MRPL41: variants seen among roughly 807,000 people sequenced by gnomAD.
MRPL41 encodes mitochondrial ribosomal protein L41.
MRPL41 carries 2 observed loss-of-function variants against 3.3 expected under a neutral mutation model. That is an observed-to-expected ratio of 0.60 (90% CI 0.25 to 1.90). The LOEUF (loss-of-function observed/expected upper bound fraction) is 1.90. Among genes scored for constraint, MRPL41 ranks in the 40% most tolerant of loss-of-function variants. The probability of loss-of-function intolerance (pLI) is 0.16; values close to 1 mark genes in which losing one functional copy is unlikely to be tolerated. For missense variants in MRPL41, 161 were observed against 192.2 expected, an observed-to-expected ratio of 0.84 and a Z score of 0.96; for synonymous variants, 93 against 85.7, an observed-to-expected ratio of 1.08 and a Z score of -0.47.
Position 137,552,323 on chromosome 9 carries a change from G to T in MRPL41, c.242G>T (p.Ser81Ile). 1 of 1,610,276 alleles carries T rather than the reference G, an allele frequency of 6.2e-7. No homozygotes were observed. The highest frequency in any genetic ancestry group is 8.5e-7 in the Non-Finnish European group (1 of 1,178,712). Residue 81 changes from serine to isoleucine, a missense_variant, in exon 2 of 2, where the codon AGC (serine) becomes ATC (isoleucine). By Grantham distance (142) the Ser-to-Ile change is moderately radical. Transcript: ENST00000371443. ...KPYVSYLAPE[S>I]EETPLTAAQL... ...TACGTGAGCTACCTCGCCCCTGAGA[G>T]CGAGGAGACGCCCCTGACGGCCGCG...
In MRPL41 at chr9:137,552,406, T is replaced by G; in HGVS notation, c.325T>G (p.Phe109Val). 6.2e-7 allele frequency: 1 copy of G among 1,608,694 alleles called. No individual in the cohort carries two copies. ...CGAAAAGGACTTCAAGGACGGTACC[T>G]TCGACCCTGACAACCTGGAAAAGTA... ...AIEKDFKDGT[F>V]DPDNLEKYGF... is the part of the protein sequence containing the mutation. Residue 109 changes from phenylalanine (F) to valine (V), a missense_variant, in exon 2 of 2, where the codon TTC becomes GTC. Physicochemically the swap from Phe to Val is conservative, Grantham distance 50. Transcript: ENST00000371443.
At position 137,552,426 on chromosome 9, in the gene MRPL41, A is replaced by G. The variant is rs777898368; in HGVS notation, c.345A>G (p.Glu115=). 4.7e-5 allele frequency: 76 copies of G among 1,606,418 alleles called. 2 individuals are homozygous for G. The South Asian group carries it at 7.9e-4, about 17-fold the overall frequency. The change falls in exon 2 of 2, where the codon GAA becomes GAG. Residue 115 remains glutamate (E), a synonymous_variant. Transcript: ENST00000371443. ...KDGTFDPDNL[E]KYGFEPTQEG... ...GTACCTTCGACCCTGACAACCTGGA[A>G]AAGTACGGCTTCGAGCCCACACAGG... is the stretch of plus-strand genomic sequence containing the variant.
At position 137,552,305 on chromosome 9, in the gene MRPL41, G is replaced by A; in HGVS notation, c.224G>A (p.Ser75Asn). The A allele has an allele frequency of 6.2e-7, 1 of 1,607,778 alleles. No individual in the cohort carries two copies. Among genetic ancestry groups the A allele is most frequent in the Non-Finnish European group, 8.5e-7 (1 of 1,177,440 alleles). The change falls in exon 2 of 2, where the codon AGC becomes AAC. Residue 75 changes from serine (S) to asparagine (N), a missense_variant. Physicochemically the swap from Ser to Asn is conservative, Grantham distance 46. Transcript: ENST00000371443. Reference sequence around the variant, plus strand: ...GGCTTCAAGCTCAAGCCCTACGTGAGCTACCTCGCCCCTGAGAGCGAGGAG... The same window carrying A: ...GGCTTCAAGCTCAAGCCCTACGTGAACTACCTCGCCCCTGAGAGCGAGGAG... ...LTGFKLKPYV[S>N]YLAPESEETP...
In MRPL41 at chr9:137,552,499, G is replaced by A. The variant is rs749957795; in HGVS notation, c.*4G>A. On this transcript the variant is annotated 3_prime_UTR_variant, in exon 2 of 2. Coordinates refer to ENST00000371443, the MANE Select transcript of MRPL41 (RefSeq NM_032477.3). ...CCCCAGGAACTTCCTGCGCTAGCTG[G>A]GCGGGGGAGGGGCGGCCTGCCCTCA... is the stretch of plus-strand genomic sequence containing the variant. The A allele has an allele frequency of 1.9e-6, 3 of 1,540,116 alleles. No individual in the cohort carries two copies. The Admixed American group carries it at 6.1e-5, about 31-fold the overall frequency.
At position 137,552,477 on chromosome 9, in the gene MRPL41, C is replaced by G. The variant is rs1171109088; in HGVS notation, c.396C>G (p.Pro132=). ...TQEGKLFQLY[P]RNFLR is the part of the protein sequence containing the mutation. ...AGGGAAAGCTCTTCCAGCTCTACCC[C>G]AGGAACTTCCTGCGCTAGCTGGGCG... The change falls in exon 2 of 2, where the codon CCC becomes CCG. Residue 132 remains proline (P), a synonymous_variant. Coordinates refer to ENST00000371443, the MANE Select transcript of MRPL41 (RefSeq NM_032477.3). The G allele has an allele frequency of 2.6e-6, 4 of 1,562,974 alleles. No individual in the cohort carries two copies. Among genetic ancestry groups the G allele is most frequent in the Non-Finnish European group, 2.6e-6 (3 of 1,152,350 alleles).
At position 137,552,036 on chromosome 9, in the gene MRPL41, T is replaced by A. The variant is rs962198856; in HGVS notation, c.-8-38T>A. 2.2e-5 allele frequency: 27 copies of A among 1,244,146 alleles called. No homozygotes were observed. In the Admixed American group the frequency reaches 7.3e-4, roughly 34 times the overall value. 77.1% of individuals were successfully genotyped at this position (1,244,146 alleles called of 1,614,324 possible). A position where few individuals can be genotyped will look rare whatever the true frequency, so the allele number is the denominator to read the frequency against. On this transcript the variant is annotated intron_variant, in intron 1 of 1. Transcript: ENST00000371443. Reference sequence around the variant, plus strand: ...GCGGCCAGGGGCGGGGCTGGCCGGGTTCCCGGGGCCGCGACTACCCGCTCT... The same window carrying A: ...GCGGCCAGGGGCGGGGCTGGCCGGGATCCCGGGGCCGCGACTACCCGCTCT...
At position 137,551,990 on chromosome 9, in the gene MRPL41, G is replaced by A. The variant is rs1463209458; in HGVS notation, c.-9+12G>A. The A allele has an allele frequency of 2.5e-5, 27 of 1,086,778 alleles. No individual in the cohort carries two copies. The highest frequency in any genetic ancestry group is 2.8e-5 in the Non-Finnish European group (24 of 855,514). 67.3% of individuals were successfully genotyped at this position (1,086,778 alleles called of 1,614,324 possible). A position where few individuals can be genotyped will look rare whatever the true frequency, so the allele number is the denominator to read the frequency against. ...GGTCTCCGGTCCAGGTGAGTCTGTC[G>A]GATTGGGGCGGGCGCCGCGCGCGGC... On this transcript the variant is annotated intron_variant, in intron 1 of 1. Transcript: ENST00000371443.
Position 137,552,434 on chromosome 9 carries a change from G to A in MRPL41, c.353G>A (p.Gly118Asp), listed in dbSNP as rs1234562243. The A allele has an allele frequency of 2.5e-6, 4 of 1,602,996 alleles. No homozygotes were observed. The highest frequency in any genetic ancestry group is 4.6e-5 in the East Asian group (2 of 43,834). Reference protein sequence around the residue: ...TFDPDNLEKYGFEPTQEGKLF... With the variant: ...TFDPDNLEKYDFEPTQEGKLF... The stretch of plus-strand genomic sequence containing the variant: ...GACCCTGACAACCTGGAAAAGTACG[G>A]CTTCGAGCCCACACAGGAGGGAAAG... The change falls in exon 2 of 2, where the codon GGC (glycine) becomes GAC (aspartate). Residue 118 changes from glycine (G) to aspartate (D), a missense_variant. By Grantham distance (94) the Gly-to-Asp change is moderately conservative. Transcript: ENST00000371443.
rs1836975862 is a variant in MRPL41, at chr9:137,551,979, G to A, written c.-9+1G>A. The A allele has an allele frequency of 2.0e-6, 2 of 987,628 alleles. No homozygotes were observed. The highest frequency in any genetic ancestry group is 2.6e-6 in the Non-Finnish European group (2 of 765,226). The allele number at this position is 987,628 out of a possible 1,614,324, so 61.2% of individuals were successfully genotyped here. The stretch of plus-strand genomic sequence containing the variant: ...AGCTCGTGTGGGGTCTCCGGTCCAG[G>A]TGAGTCTGTCGGATTGGGGCGGGCG... On this transcript the variant is annotated splice_donor_variant, in intron 1 of 1. Transcript: ENST00000371443. LOFTEE classifies it low-confidence loss of function (5UTR_SPLICE).
rs1377055497 is a variant in MRPL41, at chr9:137,552,401, G to A, written c.320G>A (p.Gly107Asp). The change falls in exon 2 of 2, where the codon GGT (glycine) becomes GAT (aspartate). Residue 107 changes from glycine (G) to aspartate (D), a missense_variant. Physicochemically the swap from Gly to Asp is moderately conservative, Grantham distance 94. Transcript: ENST00000371443. ...GCCATCGAAAAGGACTTCAAGGACG[G>A]TACCTTCGACCCTGACAACCTGGAA... is the stretch of plus-strand genomic sequence containing the variant. The part of the protein sequence containing the change: ...APAIEKDFKD[G>D]TFDPDNLEKY... The A allele has an allele frequency of 6.2e-6, 10 of 1,609,668 alleles. No individual in the cohort carries two copies. Among genetic ancestry groups the A allele is most frequent in the Admixed American group, 1.7e-5 (1 of 59,692 alleles).
chr9:137,552,427 A>G lies in MRPL41; in HGVS notation c.346A>G (p.Lys116Glu), dbSNP rs148438754. 807 of 1,606,324 alleles carry G rather than the reference A, an allele frequency of 5.0e-4. 12 individuals are homozygous for G. The East Asian group carries it at 0.016, about 32-fold the overall frequency. ...TACCTTCGACCCTGACAACCTGGAAAAGTACGGCTTCGAGCCCACACAGGA... is the reference window on the plus strand; with the variant it reads ...TACCTTCGACCCTGACAACCTGGAAGAGTACGGCTTCGAGCCCACACAGGA... ...DGTFDPDNLEKYGFEPTQEGK... is the reference protein window; with the variant it reads ...DGTFDPDNLEEYGFEPTQEGK... Residue 116 changes from lysine (K) to glutamate (E), a missense_variant, in exon 2 of 2, where the codon AAG becomes GAG. Coordinates refer to ENST00000371443, the MANE Select transcript of MRPL41 (RefSeq NM_032477.3).
Position 137,551,892 on chromosome 9 carries a change from C to A in MRPL41, c.-95C>A, listed in dbSNP as rs1215925046. On this transcript the variant is annotated 5_prime_UTR_variant, in exon 1 of 2. Coordinates refer to ENST00000371443, the MANE Select transcript of MRPL41 (RefSeq NM_032477.3). ...CCAATCGGAGCCGCTCTTGCTGCGA[C>A]GCAGCGGTCGGAAGCGGAGCAAGGT... 8 of 410,466 alleles carry A rather than the reference C, an allele frequency of 1.9e-5. No homozygotes were observed. The East Asian group carries it at 2.7e-4, about 14-fold the overall frequency. 25.4% of individuals were successfully genotyped at this position (410,466 alleles called of 1,614,324 possible). A position where few individuals can be genotyped will look rare whatever the true frequency, so the allele number is the denominator to read the frequency against.
chr9:137,552,171 C>T lies in MRPL41; in HGVS notation c.90C>T (p.Phe30=), dbSNP rs1458085442. 6.5e-7 allele frequency: 1 copy of T among 1,538,278 alleles called. No individual in the cohort carries two copies. Among genetic ancestry groups the T allele is most frequent in the South Asian group, 1.2e-5 (1 of 81,336 alleles). The change falls in exon 2 of 2, where the codon TTC becomes TTT. Residue 30 remains phenylalanine, a synonymous_variant. Coordinates refer to ENST00000371443, the MANE Select transcript of MRPL41 (RefSeq NM_032477.3). ...CGAGCAAGCGGGGCCCGCGCAGCTT[C>T]AGGGGCCGCAAGGGCCGGGGCGCCA... ...KWTSKRGPRS[F]RGRKGRGAKG...
At position 137,552,126 on chromosome 9, in the gene MRPL41, G is replaced by C; in HGVS notation, c.45G>C (p.Ala15=). 2.1e-6 allele frequency: 3 copies of C among 1,452,164 alleles called. No individual in the cohort carries two copies. The highest frequency in any genetic ancestry group is 2.7e-6 in the Non-Finnish European group (3 of 1,100,928). The allele number at this position is 1,452,164 out of a possible 1,614,324, so 90.0% of individuals were successfully genotyped here. A position where few individuals can be genotyped will look rare whatever the true frequency, so the allele number is the denominator to read the frequency against. The change falls in exon 2 of 2, where the codon GCG becomes GCC. Residue 15 remains alanine, a synonymous_variant. Coordinates refer to ENST00000371443, the MANE Select transcript of MRPL41 (RefSeq NM_032477.3). ...AAAARCLVRG[A]DRMSKWTSKR... Reference sequence around the variant, plus strand: ...CGGCGCGCTGCCTGGTCCGGGGTGCGGACCGAATGAGCAAGTGGACGAGCA... The same window carrying C: ...CGGCGCGCTGCCTGGTCCGGGGTGCCGACCGAATGAGCAAGTGGACGAGCA...
rs1225482338 is a variant in MRPL41, at chr9:137,551,936, G to A, written c.-51G>A. On this transcript the variant is annotated 5_prime_UTR_variant, in exon 1 of 2. Transcript: ENST00000371443. ...GCAAGGTCGAGGCCGGGTTGGCGCC[G>A]GAGCCGGGGCCGCTTGGAGCTCGTG... is the stretch of plus-strand genomic sequence containing the variant. The A allele has an allele frequency of 5.0e-6, 3 of 602,492 alleles. No individual in the cohort carries two copies. Among genetic ancestry groups the A allele is most frequent in the South Asian group, 8.5e-5 (1 of 11,824 alleles). 37.3% of individuals were successfully genotyped at this position (602,492 alleles called of 1,614,324 possible).
Position 137,552,343 on chromosome 9 carries a change from G to A in MRPL41, c.262G>A (p.Ala88Thr). The A allele has an allele frequency of 6.2e-7, 1 of 1,611,248 alleles. No homozygotes were observed. Among genetic ancestry groups the A allele is most frequent in the Non-Finnish European group, 8.5e-7 (1 of 1,179,142 alleles). Reference sequence around the variant, plus strand: ...TGAGAGCGAGGAGACGCCCCTGACGGCCGCGCAGCTCTTCAGCGAAGCCGT... The same window carrying A: ...TGAGAGCGAGGAGACGCCCCTGACGACCGCGCAGCTCTTCAGCGAAGCCGT... ...APESEETPLT[A>T]AQLFSEAVAP... The change falls in exon 2 of 2, where the codon GCC becomes ACC. Residue 88 changes from alanine to threonine, a missense_variant. Coordinates refer to ENST00000371443, the MANE Select transcript of MRPL41 (RefSeq NM_032477.3).
In MRPL41 at chr9:137,552,507, A is replaced by C; in HGVS notation, c.*12A>C. Reference sequence around the variant, plus strand: ...ACTTCCTGCGCTAGCTGGGCGGGGGAGGGGCGGCCTGCCCTCATCTCATTT... The same window carrying C: ...ACTTCCTGCGCTAGCTGGGCGGGGGCGGGGCGGCCTGCCCTCATCTCATTT... On this transcript the variant is annotated 3_prime_UTR_variant, in exon 2 of 2. Coordinates refer to ENST00000371443, the MANE Select transcript of MRPL41 (RefSeq NM_032477.3). 2 of 1,534,600 alleles carry C rather than the reference A, an allele frequency of 1.3e-6. No homozygotes were observed. Among genetic ancestry groups the C allele is most frequent in the East Asian group, 2.4e-5 (1 of 42,026 alleles).
Position 137,552,517 on chromosome 9 carries a change from T to C in MRPL41, c.*22T>C. 1 of 1,513,692 alleles carries C rather than the reference T, an allele frequency of 6.6e-7. No homozygotes were observed. Among genetic ancestry groups the C allele is most frequent in the South Asian group, 1.3e-5 (1 of 77,154 alleles). The allele number at this position is 1,513,692 out of a possible 1,614,324, so 93.8% of individuals were successfully genotyped here. A position where few individuals can be genotyped will look rare whatever the true frequency, so the allele number is the denominator to read the frequency against. On this transcript the variant is annotated 3_prime_UTR_variant, in exon 2 of 2. Coordinates refer to ENST00000371443, the MANE Select transcript of MRPL41 (RefSeq NM_032477.3). Reference sequence around the variant, plus strand: ...CTAGCTGGGCGGGGGAGGGGCGGCCTGCCCTCATCTCATTTCTATTAAACG... The same window carrying C: ...CTAGCTGGGCGGGGGAGGGGCGGCCCGCCCTCATCTCATTTCTATTAAACG...
Position 137,552,376 on chromosome 9 carries a change from G to A in MRPL41, c.295G>A (p.Ala99Thr), listed in dbSNP as rs751055106. 6 of 1,611,646 alleles carry A rather than the reference G, an allele frequency of 3.7e-6. No homozygotes were observed. In the South Asian group the frequency reaches 6.6e-5, roughly 18 times the overall value. Residue 99 changes from alanine (A) to threonine (T), a missense_variant, in exon 2 of 2, where the codon GCC becomes ACC. Physicochemically the swap from Ala to Thr is moderately conservative, Grantham distance 58. Coordinates refer to ENST00000371443, the MANE Select transcript of MRPL41 (RefSeq NM_032477.3). ...AQLFSEAVAPAIEKDFKDGTF... is the reference protein window; with the variant it reads ...AQLFSEAVAPTIEKDFKDGTF... Reference sequence around the variant, plus strand: ...GCTCTTCAGCGAAGCCGTGGCGCCTGCCATCGAAAAGGACTTCAAGGACGG... The same window carrying A: ...GCTCTTCAGCGAAGCCGTGGCGCCTACCATCGAAAAGGACTTCAAGGACGG...
Sources: gnomAD v4.1 joint callset for allele counts on GRCh38, gnomAD v4.1.1 for gene constraint, MANE v1.5 for transcripts, NCBI Gene and HGNC (gene_info 2026-07-23, HGNC 2026-07-21) for gene names.